ITGA8: variants seen among roughly 807,000 people sequenced by gnomAD.
ITGA8 encodes the protein integrin alpha-8.
In ITGA8, 91 loss-of-function variants were observed where a neutral mutation model predicts 142.3. The observed-to-expected ratio is 0.64, with a 90% confidence interval of 0.54 to 0.76. The LOEUF (loss-of-function observed/expected upper bound fraction) is 0.76, where lower values mean the gene tolerates loss of function less well. Among genes scored for constraint, ITGA8 ranks in the 30% least tolerant of loss-of-function variants. ITGA8 has a pLI of 0.00. For missense variants in ITGA8, 1,406 were observed against 1,327.7 expected (o/e 1.06, Z -0.92); for synonymous variants, 505 against 485.2 (o/e 1.04, Z -0.54).
At position 15,541,046 on chromosome 10, in the gene ITGA8, C is replaced by A. The variant is rs1292542351; in HGVS notation, c.2880+7409G>T. Among the ~76,000 whole-genome samples, 3 of 152,190 alleles carry A rather than the reference C, an allele frequency of 2.0e-5. No individual in the cohort carries two copies. In the East Asian group the frequency reaches 5.8e-4, roughly 29 times the overall value. The stretch of plus-strand genomic sequence containing the variant: ...TTGCATTCACCCACCCCTTAAGTTG[C>A]ATATAATTGAACATGGGTATAAGTG... On this transcript the variant is annotated intron_variant, in intron 27 of 29. Coordinates refer to ENST00000378076, the MANE Select transcript of ITGA8 (RefSeq NM_003638.3).
intron 27 of ITGA8, among the ~76,000 whole-genome samples, chr10:15,538,596 T>C (rs1211011680): frequency 6.6e-6 from 1 of 151,630 alleles, no homozygotes; most frequent in African/African-American, 2.4e-5. Context: ...GAATCTAATT[T>C]GAAAAGGCCA....
chr10:15,718,755 A>G lies in ITGA8; in HGVS notation c.343+11T>C, dbSNP rs186541476. The G allele has an allele frequency of 1.9e-6, 3 of 1,613,256 alleles. No individual in the cohort carries two copies. The highest frequency in any genetic ancestry group is 4.5e-5 in the East Asian group (2 of 44,838). On this transcript the variant is annotated intron_variant, in intron 2 of 29. Transcript: ENST00000378076. ...CCAGGCCCACAGCTTAGAAGGACAA[A>G]TCTCACTTACTGGTGGTGTCAAACG...
rs1834796104 is a variant in ITGA8 at position 15,684,269 on chromosome 10, A to T, written c.445-142T>A. 1.7e-5 allele frequency: 13 copies of T among 743,706 alleles called. No individual in the cohort carries two copies. The East Asian group carries it at 3.7e-4, about 21-fold the overall frequency. 46.1% of individuals were successfully genotyped at this position (743,706 alleles called of 1,614,324 possible). ...TAGCATGCTAATGAGTGCCTTGGTC[A>T]TCAGAGGTAATTAAACTTCCAAAAC... On this transcript the variant is annotated intron_variant, in intron 3 of 29. Transcript: ENST00000378076.
intron 23 of ITGA8, among the ~76,000 whole-genome samples, chr10:15,582,043 A>G (rs1243176274): frequency 1.3e-5 from 2 of 152,196 alleles, no homozygotes; most frequent in African/African-American, 4.8e-5. Context: ...GTTCAAGACC[A>G]GCTTGGGCAA....
intron 2 of ITGA8, 71 bp downstream of exon 2, chr10:15,718,695 A>G: frequency 6.3e-7 from 1 of 1,579,182 alleles, no homozygotes. Flanking sequence ...AGACAGCGGG[A>G]AGTCGCCTCT....
chr10:15,554,028 A>G (rs145369346), intron 26 of ITGA8, among the ~76,000 whole-genome samples: 51 of 152,252 alleles, frequency 3.3e-4, no homozygotes, highest in African/African-American at 1.1e-3. Flanking sequence ...ATGATGGGTA[A>G]CACATTTGGG....
At chr10:15,628,559 C>G (rs1833629554) in intron 13 of ITGA8, among the ~76,000 whole-genome samples, 1 of 151,622 alleles carries the variant, frequency 6.6e-6, no homozygotes, top group Admixed American at 6.6e-5. Context: ...GTCTTGATCT[C>G]CTGACCTCAT....
chr10:15,709,573 C>G (rs1171340198), intron 2 of ITGA8, among the ~76,000 whole-genome samples: 4 of 152,192 alleles, frequency 2.6e-5, no homozygotes, highest in Non-Finnish European at 5.9e-5. Context: ...CTATCCAATG[C>G]CTTCCATATT....
chr10:15,642,128 G>GA (rs1008835644), intron 13 of ITGA8, among the ~76,000 whole-genome samples: 33 of 149,718 alleles, frequency 2.2e-4, no homozygotes, highest in African/African-American at 6.4e-4. Flanking sequence ...CTCCGTCTCA[G>GA]AAAAAAAAAG....
intron 25 of ITGA8, among the ~76,000 whole-genome samples, chr10:15,560,261 CAG>C (rs1833950853): frequency 6.6e-6 from 1 of 151,988 alleles, no homozygotes; most frequent in Non-Finnish European, 1.5e-5. Context: ...GCCTGGGCAA[CAG>C]AGTGAGGCCC....
chr10:15,602,909 C>A (rs1338726735), intron 20 of ITGA8, among the ~76,000 whole-genome samples: 1 of 150,640 alleles, frequency 6.6e-6, no homozygotes, highest in Non-Finnish European at 1.5e-5. Flanking sequence ...TATCCAACTT[C>A]ACTGTCAACA....
intron 10 of ITGA8, among the ~76,000 whole-genome samples, chr10:15,657,539 A>G (rs1308604103): frequency 7.2e-5 from 8 of 111,220 alleles, no homozygotes; most frequent in African/African-American, 1.1e-4. Context: ...TTTAACAGAG[A>G]CAGTGGTCTC....
chr10:15,655,142 C>T (rs1354665478), intron 11 of ITGA8, among the ~76,000 whole-genome samples: 1 of 152,126 alleles, frequency 6.6e-6, no homozygotes, highest in Non-Finnish European at 1.5e-5. Context: ...CCTCTAGAAG[C>T]AGCAGATGTG....
intron 2 of ITGA8, among the ~76,000 whole-genome samples, chr10:15,694,241 CAT>C (rs1412091074): frequency 7.8e-6 from 1 of 127,634 alleles, no homozygotes; most frequent in Non-Finnish European, 1.6e-5. Flanking sequence ...GATAATATAT[CAT>C]ATATATGATA....
intron 22 of ITGA8, among the ~76,000 whole-genome samples, 199 bp downstream of exon 22, chr10:15,592,026 C>A (rs1832931805): frequency 6.6e-6 from 1 of 152,166 alleles, no homozygotes; most frequent in Admixed American, 6.5e-5. Context: ...CTGTATAATT[C>A]AATCTCTTTT....
At chr10:15,655,272 G>C in intron 11 of ITGA8, 82 bp downstream of exon 11, 2 of 913,398 alleles carry the variant, frequency 2.2e-6, no homozygotes, top group Non-Finnish European at 3.4e-6. Flanking sequence ...CAATAAGGAA[G>C]GGTGTATTTT....
intron 13 of ITGA8, among the ~76,000 whole-genome samples, chr10:15,617,542 G>T (rs2131620224): frequency 6.6e-6 from 1 of 152,230 alleles, no homozygotes; most frequent in South Asian, 2.1e-4. Context: ...GGGACTACAG[G>T]CACCTGCCAC....
At chr10:15,603,937 G>A (rs560417361) in intron 20 of ITGA8, among the ~76,000 whole-genome samples, 13 of 152,332 alleles carry the variant, frequency 8.5e-5, no homozygotes, top group Non-Finnish European at 1.5e-4. Context: ...GCATTGGTAA[G>A]CTTCTTCTTT....
chr10:15,573,273 C>T (rs751522767), intron 24 of ITGA8, among the ~76,000 whole-genome samples: 2 of 152,192 alleles, frequency 1.3e-5, no homozygotes, highest in African/African-American at 4.8e-5. Flanking sequence ...CTACCCTAAA[C>T]TTTCATGATC....
Sources: gnomAD v4.1 joint callset for allele counts (sites outside exome capture counted in the v4.1 genomes callset) on GRCh38, gnomAD v4.1.1 for gene constraint, MANE v1.5 for transcripts, NCBI Gene and HGNC (gene_info 2026-07-23, HGNC 2026-07-21) for gene names.